The following CACNB4 variants were observed in gnomAD, a reference collection of about 807,000 sequenced individuals.
CACNB4 encodes calcium voltage-gated channel auxiliary subunit beta 4.
Under a neutral mutation model 71.2 loss-of-function variants are expected in CACNB4, and 32 were observed. The ratio of observed to expected loss-of-function variants is 0.45; its 90% confidence interval spans 0.34 to 0.60. The LOEUF (loss-of-function observed/expected upper bound fraction) is 0.60, where lower values mean the gene tolerates loss of function less well. Ranked by LOEUF, CACNB4 falls within the 20% of genes least tolerant of loss-of-function variation. The probability of loss-of-function intolerance (pLI) is 0.01; values close to 1 mark genes in which losing one functional copy is unlikely to be tolerated. For missense variants in CACNB4, 464 were observed against 647.9 expected (o/e 0.72, Z 3.08); for synonymous variants, 231 against 236.9 (o/e 0.97, Z 0.23).
intron 2 of CACNB4, among the ~76,000 whole-genome samples, chr2:151,932,437 G>A (rs890826718): frequency 6.6e-6 from 1 of 152,082 alleles, no homozygotes; most frequent in Admixed American, 6.6e-5. Flanking sequence ...GGAGCTCGAG[G>A]TTATAGACAA....
At chr2:152,055,988 C>T (rs982907073) in intron 2 of CACNB4, among the ~76,000 whole-genome samples, 3 of 152,134 alleles carry the variant, frequency 2.0e-5, no homozygotes, top group Admixed American at 2.0e-4. Flanking sequence ...TGACTACCCA[C>T]CACACTGAAG....
At chr2:151,951,811 C>T (rs1235910114) in intron 2 of CACNB4, among the ~76,000 whole-genome samples, 4 of 152,200 alleles carry the variant, frequency 2.6e-5, no homozygotes, top group Admixed American at 1.3e-4. Context: ...ATTAAACCTC[C>T]TTCCTCTGGT....
chr2:151,998,315 C>CAAAAAAAAAAAAAAAAAAA (rs70974815), intron 2 of CACNB4, among the ~76,000 whole-genome samples: 2 of 110,704 alleles, frequency 1.8e-5, no homozygotes, highest in African/African-American at 8.0e-5. Context: ...ACTCCATCTC[C>CAAAAAAAAAAAAAAAAAAA]AAAAAAAAAA....
At chr2:151,917,633 T>A (rs989474175) in intron 2 of CACNB4, among the ~76,000 whole-genome samples, 5 of 152,064 alleles carry the variant, frequency 3.3e-5, no homozygotes, top group African/African-American at 1.2e-4. Context: ...GGTCAGGAGT[T>A]CGAGACCAGC....
chr2:151,918,575 C>A (rs1380343335), intron 2 of CACNB4, among the ~76,000 whole-genome samples: 2 of 152,222 alleles, frequency 1.3e-5, no homozygotes, highest in African/African-American at 4.8e-5. Flanking sequence ...GTTACACAAG[C>A]ACATAGATGC....
Position 151,986,675 on chromosome 2 carries a change from T to C in CACNB4, c.148-103305A>G, listed in dbSNP as rs552238833. On this transcript the variant is annotated intron_variant, in intron 2 of 13. Coordinates refer to ENST00000539935, the MANE Select transcript of CACNB4 (RefSeq NM_000726.5). ...TTAACATTCTAATGAAGAAAAAATATATAGAGAAAAACAAAGGCCTGGTAT... is the reference window on the plus strand; with the variant it reads ...TTAACATTCTAATGAAGAAAAAATACATAGAGAAAAACAAAGGCCTGGTAT... Among the ~76,000 whole-genome samples, 16 of 152,250 alleles carry C rather than the reference T, an allele frequency of 1.1e-4. No homozygotes were observed. The South Asian group carries it at 2.3e-3, about 22-fold the overall frequency.
chr2:151,957,920 A>C (rs2099868739), intron 2 of CACNB4, among the ~76,000 whole-genome samples: 1 of 152,216 alleles, frequency 6.6e-6, no homozygotes, highest in South Asian at 2.1e-4. Context: ...GGTATTCTTT[A>C]GGGAAAAAAA....
chr2:151,997,370 T>C (rs1361528145), intron 2 of CACNB4, among the ~76,000 whole-genome samples: 1 of 152,008 alleles, frequency 6.6e-6, no homozygotes, highest in African/African-American at 2.4e-5. Flanking sequence ...CCGTCTCTAC[T>C]AAAAATACAA....
At chr2:151,901,598 C>T (rs1049391220) in intron 2 of CACNB4, among the ~76,000 whole-genome samples, 1 of 152,048 alleles carries the variant, frequency 6.6e-6, no homozygotes, top group Admixed American at 6.6e-5. Context: ...AAAAAACCTC[C>T]TTACTAGAAA....
At chr2:152,031,933 G>A (rs1337162176) in intron 2 of CACNB4, among the ~76,000 whole-genome samples, 1 of 152,218 alleles carries the variant, frequency 6.6e-6, no homozygotes, top group African/African-American at 2.4e-5. Context: ...CAAGCCAAGG[G>A]TGAAAGCCTC....
chr2:152,032,089 TAG>T (rs1002726254), intron 2 of CACNB4, among the ~76,000 whole-genome samples: 2 of 151,712 alleles, frequency 1.3e-5, no homozygotes, highest in Admixed American at 6.6e-5. Context: ...ATGTGGCAAA[TAG>T]AGAGAGAGAA....
intron 9 of CACNB4, chr2:151,867,605 C>T (rs2099843492): frequency 6.6e-6 from 1 of 152,134 alleles, no homozygotes; most frequent in Non-Finnish European, 1.5e-5. Context: ...ACAAATACAT[C>T]TTTCTTATTA....
chr2:151,928,453 G>A (rs2151594475), intron 2 of CACNB4, among the ~76,000 whole-genome samples: 1 of 152,266 alleles, frequency 6.6e-6, no homozygotes, highest in Middle Eastern at 3.4e-3. Flanking sequence ...TTTGTGTTTG[G>A]TAGGCAGTCC....
chr2:151,916,625 G>A (rs187416315), intron 2 of CACNB4, among the ~76,000 whole-genome samples: 62 of 152,346 alleles, frequency 4.1e-4, no homozygotes, highest in African/African-American at 1.3e-3. Flanking sequence ...GGACTGTGAA[G>A]TACTTGATCA....
chr2:152,010,779 C>T (rs1036479379), intron 2 of CACNB4, among the ~76,000 whole-genome samples: 17 of 152,200 alleles, frequency 1.1e-4, no homozygotes, highest in Admixed American at 6.5e-5. Context: ...GATGGCCCGG[C>T]GGCGTTTGGC....
intron 2 of CACNB4, among the ~76,000 whole-genome samples, chr2:151,978,853 T>C (rs2099874234): frequency 6.6e-6 from 1 of 152,130 alleles, no homozygotes; most frequent in African/African-American, 2.4e-5. Flanking sequence ...CATACCTTCA[T>C]GCCAGCTCCT....
At chr2:151,865,326 T>A (rs1177064932) in intron 9 of CACNB4, among the ~76,000 whole-genome samples, 1 of 152,214 alleles carries the variant, frequency 6.6e-6, no homozygotes, top group Non-Finnish European at 1.5e-5. Flanking sequence ...GCCCTTTTTT[T>A]CCCTTTATGT....
At chr2:152,086,135 G>C (rs80028064) in intron 2 of CACNB4, among the ~76,000 whole-genome samples, 1,620 of 152,122 alleles carry the variant, frequency 0.011, 27 homozygotes, top group African/African-American at 0.036. Flanking sequence ...TAATATCCAT[G>C]GTACACATTT....
At chr2:151,875,446 C>T (rs1363125464) in intron 5 of CACNB4, among the ~76,000 whole-genome samples, 1 of 151,926 alleles carries the variant, frequency 6.6e-6, no homozygotes, top group African/African-American at 2.4e-5. Flanking sequence ...CCCCACCTTT[C>T]CCCCTTTTCT....
Sources: gnomAD v4.1 joint callset for allele counts (sites outside exome capture counted in the v4.1 genomes callset) on GRCh38, gnomAD v4.1.1 for gene constraint, MANE v1.5 for transcripts, NCBI Gene and HGNC (gene_info 2026-07-23, HGNC 2026-07-21) for gene names.